Variants in ATP8A2 observed in about 807,000 individuals in gnomAD.
ATP8A2 encodes phospholipid-transporting ATPase IB.
ATP8A2 carries 100 observed loss-of-function variants against 165.6 expected under a neutral mutation model. That is an observed-to-expected ratio of 0.60 (90% confidence interval 0.51 to 0.71). ATP8A2 has a LOEUF of 0.71. Ranked by LOEUF, ATP8A2 falls within the 30% of genes least tolerant of loss-of-function variation. ATP8A2 has a pLI of 0.00. For synonymous variants in ATP8A2, 543 were observed against 548.8 expected (o/e 0.99, Z 0.15); for missense variants, 1,227 against 1,479.5 (o/e 0.83, Z 2.80).
At chr13:25,904,137 C>G (rs1953856191) in intron 33 of ATP8A2, among the ~76,000 whole-genome samples, 1 of 152,194 alleles carries the variant, frequency 6.6e-6, no homozygotes, top group Non-Finnish European at 1.5e-5. Flanking sequence ...AGTGCTCTAG[C>G]AAGCGTTTCC....
chr13:25,866,897 C>A (rs1053608049), intron 33 of ATP8A2, among the ~76,000 whole-genome samples: 1 of 152,050 alleles, frequency 6.6e-6, no homozygotes, highest in Non-Finnish European at 1.5e-5. Context: ...CGTAGGATGC[C>A]AGCTGGTGAC....
chr13:25,812,749 G>A (rs940660901), intron 27 of ATP8A2, among the ~76,000 whole-genome samples: 2 of 151,954 alleles, frequency 1.3e-5, no homozygotes, highest in African/African-American at 4.8e-5. Flanking sequence ...ACGAGTTCAA[G>A]GTAGAAGGAA....
rs199523484 is a variant in ATP8A2 at position 25,557,907 on chromosome 13, AT to A, written c.1264-1053del. On this transcript the variant is annotated intron_variant, in intron 13 of 36. Transcript: ENST00000381655. ...CCTTATTATAAAATGTTCATTAAAA[AT>A]TTTTTTTTTTTTGAGATGAAGTTTC... Among the ~76,000 whole-genome samples the A allele has an allele frequency of 8.2e-3, 1,201 of 146,250 alleles. 69 individuals carry two copies. In the East Asian group the frequency reaches 0.15, roughly 18 times the overall value.
At chr13:25,665,208 G>A (rs945184026) in intron 24 of ATP8A2, among the ~76,000 whole-genome samples, 6 of 152,168 alleles carry the variant, frequency 3.9e-5, no homozygotes, top group South Asian at 2.1e-4. Context: ...ATAAGCATTG[G>A]CATTCAGGTT....
rs545610331 is a variant in ATP8A2 at position 25,897,122 on chromosome 13, C to T, written c.3183+34714C>T. ...GCTCGTTAGTTGATGCAGTTTCTTC[C>T]TAGCCTTGATGGTCTTTACAGTTTG... On this transcript the variant is annotated intron_variant, in intron 33 of 36. Transcript: ENST00000381655. Among the ~76,000 whole-genome samples the T allele has an allele frequency of 3.3e-5, 5 of 152,298 alleles. No individual in the cohort carries two copies. In the South Asian group the frequency reaches 1.0e-3, roughly 32 times the overall value.
chr13:25,761,546 G>A (rs547355874), intron 25 of ATP8A2, among the ~76,000 whole-genome samples: 5 of 152,084 alleles, frequency 3.3e-5, no homozygotes, highest in East Asian at 1.9e-4. Flanking sequence ...GGGAGGCTGC[G>A]GCAGGAGGAT....
chr13:25,888,971 T>C (rs1953260959), intron 33 of ATP8A2, among the ~76,000 whole-genome samples: 1 of 152,092 alleles, frequency 6.6e-6, no homozygotes, highest in South Asian at 2.1e-4. Flanking sequence ...TGAAGTTCTC[T>C]TCTCTTCGTC....
At chr13:25,907,148 T>C (rs138287388) in intron 33 of ATP8A2, among the ~76,000 whole-genome samples, 1,989 of 152,222 alleles carry the variant, frequency 0.013, 126 homozygotes, top group Admixed American at 0.1. Flanking sequence ...GAGAATCACT[T>C]GAACCTGGGA....
At chr13:25,716,634 A>G (rs1384063708) in intron 25 of ATP8A2, among the ~76,000 whole-genome samples, 1 of 152,184 alleles carries the variant, frequency 6.6e-6, no homozygotes, top group Non-Finnish European at 1.5e-5. Flanking sequence ...CACTGTCAGC[A>G]GGGTGTGAAG....
At chr13:25,915,312 T>C (rs1167220410) in intron 33 of ATP8A2, among the ~76,000 whole-genome samples, 1 of 152,234 alleles carries the variant, frequency 6.6e-6, no homozygotes, top group Non-Finnish European at 1.5e-5. Context: ...AGGCTAATTA[T>C]TTAAAAGATT....
chr13:25,814,418 C>T (rs941243339), intron 27 of ATP8A2, among the ~76,000 whole-genome samples: 1 of 151,944 alleles, frequency 6.6e-6, no homozygotes, highest in African/African-American at 2.4e-5. Context: ...CCCAGTGGAT[C>T]CCCAAATAGC....
intron 1 of ATP8A2, among the ~76,000 whole-genome samples, chr13:25,424,210 T>C (rs1412013714): frequency 6.6e-6 from 1 of 152,168 alleles, no homozygotes; most frequent in Non-Finnish European, 1.5e-5. Context: ...CTGCATAAAG[T>C]GCTTATTATT....
intron 24 of ATP8A2, among the ~76,000 whole-genome samples, chr13:25,668,459 T>C (rs2042199826): frequency 6.6e-6 from 1 of 152,144 alleles, no homozygotes. Context: ...GATTCTCTCT[T>C]TTGTTATTGG....
At chr13:25,906,568 C>T (rs1953942407) in intron 33 of ATP8A2, among the ~76,000 whole-genome samples, 1 of 152,058 alleles carries the variant, frequency 6.6e-6, no homozygotes, top group Admixed American at 6.5e-5. Context: ...GTATGAAACG[C>T]TCCCCCGCCT....
At chr13:25,740,430 A>G (rs1332503439) in intron 25 of ATP8A2, among the ~76,000 whole-genome samples, 1 of 152,144 alleles carries the variant, frequency 6.6e-6, no homozygotes, top group Non-Finnish European at 1.5e-5. Flanking sequence ...TAAGTCAGTC[A>G]TTGGCAGAAA....
At chr13:25,879,698 C>T (rs1952921810) in intron 33 of ATP8A2, among the ~76,000 whole-genome samples, 1 of 152,202 alleles carries the variant, frequency 6.6e-6, no homozygotes, top group Non-Finnish European at 1.5e-5. Flanking sequence ...TTCCTTTCTG[C>T]AGTGGTTCTT....
intron 30 of ATP8A2, among the ~76,000 whole-genome samples, chr13:25,857,570 CTTTTTTT>C (rs71080207): frequency 4.4e-5 from 4 of 91,582 alleles, no homozygotes; most frequent in Non-Finnish European, 6.2e-5. Flanking sequence ...CTTTTTTTTC[CTTTTTTT>C]TTTTTTTTTT....
intron 33 of ATP8A2, among the ~76,000 whole-genome samples, chr13:25,876,385 C>T (rs1952819380): frequency 6.6e-6 from 1 of 152,090 alleles, no homozygotes; most frequent in African/African-American, 2.4e-5. Flanking sequence ...AGTAAAGTGG[C>T]TGTGAGTGCA....
At chr13:25,396,643 C>T (rs144493312) in intron 1 of ATP8A2, among the ~76,000 whole-genome samples, 200 of 152,258 alleles carry the variant, frequency 1.3e-3, no homozygotes, top group African/African-American at 4.7e-3. Context: ...GGGTGCATTA[C>T]TATCTTCATG....
Sources: allele counts gnomAD v4.1 joint callset (sites outside exome capture counted in the v4.1 genomes callset), GRCh38; gene constraint gnomAD v4.1.1; transcripts MANE v1.5; gene names NCBI Gene and HGNC (gene_info 2026-07-23, HGNC 2026-07-21).